TACC2: variants seen among roughly 807,000 people sequenced by gnomAD.
The protein encoded by TACC2 is transforming acidic coiled-coil-containing protein 2.
TACC2 carries 137 observed loss-of-function variants against 227.3 expected under a neutral mutation model. The ratio of observed to expected loss-of-function variants is 0.60; its 90% CI spans 0.52 to 0.69. The LOEUF is 0.69. Ranked by LOEUF, TACC2 falls within the 30% of genes least tolerant of loss-of-function variation. The pLI, the probability that TACC2 is intolerant of heterozygous loss-of-function variation, is 0.00. For synonymous variants in TACC2, 1,523 were observed against 1,487.5 expected (o/e 1.02, Z -0.55); for missense variants, 3,470 against 3,694.4 (o/e 0.94, Z 1.57).
intron 1 of TACC2, among the ~76,000 whole-genome samples, chr10:121,996,285 A>G (rs1953480976): frequency 6.6e-6 from 1 of 152,022 alleles, no homozygotes; most frequent in African/African-American, 2.4e-5. Flanking sequence ...GCTCAGGCTG[A>G]GCTCAAGCGA....
At chr10:122,058,477 T>C (rs1430023894) in intron 3 of TACC2, among the ~76,000 whole-genome samples, 4 of 151,898 alleles carry the variant, frequency 2.6e-5, no homozygotes, top group Non-Finnish European at 5.9e-5. Flanking sequence ...GGCGCGATCT[T>C]GGCTCACTGC....
intron 7 of TACC2, among the ~76,000 whole-genome samples, chr10:122,165,664 G>A (rs1049115376): frequency 1.2e-4 from 19 of 152,204 alleles, no homozygotes; most frequent in African/African-American, 4.6e-4. Flanking sequence ...TTTCACAGTT[G>A]AGTTGGTCCA....
At chr10:121,996,013 A>G (rs1953432921) in intron 1 of TACC2, among the ~76,000 whole-genome samples, 1 of 152,034 alleles carries the variant, frequency 6.6e-6, no homozygotes, top group Admixed American at 6.6e-5. Context: ...TGGACTCCCA[A>G]AGTGTTGGGA....
intron 5 of TACC2, among the ~76,000 whole-genome samples, chr10:122,100,934 A>G (rs1034318125): frequency 6.6e-6 from 1 of 152,036 alleles, no homozygotes; most frequent in African/African-American, 2.4e-5. Flanking sequence ...ATGGGACCAC[A>G]TTCTGGTTCA....
At chr10:122,091,069 A>G (rs549453881) in intron 5 of TACC2, among the ~76,000 whole-genome samples, 2 of 152,144 alleles carry the variant, frequency 1.3e-5, no homozygotes, top group East Asian at 3.8e-4. Flanking sequence ...CTGAAATTGC[A>G]TGACTGATTA....
At chr10:121,990,212 G>A (rs538080204) in intron 1 of TACC2, among the ~76,000 whole-genome samples, 34 of 151,656 alleles carry the variant, frequency 2.2e-4, no homozygotes, top group Non-Finnish European at 4.4e-4. Context: ...CCGGGCTAAC[G>A]CAATCCTCCC....
chr10:122,213,297 A>G (rs772290774), intron 9 of TACC2: 1 of 1,593,134 alleles, frequency 6.3e-7, no homozygotes, highest in Non-Finnish European at 8.6e-7. Context: ...CTTTTTTGTC[A>G]GTTCCTTCTG....
chr10:122,016,566 TAAAAAAA>T (rs35641018), intron 1 of TACC2, among the ~76,000 whole-genome samples: 22,096 of 135,180 alleles, frequency 0.16, 1,709 homozygotes, highest in East Asian at 0.26. Flanking sequence ...GACTCTGTCT[TAAAAAAA>T]AAAAAAAAAA....
intron 2 of TACC2, among the ~76,000 whole-genome samples, chr10:122,025,023 C>G (rs924580757): frequency 6.6e-6 from 1 of 152,088 alleles, no homozygotes; most frequent in Non-Finnish European, 1.5e-5. Context: ...TTTTTCATTC[C>G]CACCAGCAAC....
chr10:122,046,324 A>G (rs2074992039), intron 2 of TACC2, among the ~76,000 whole-genome samples: 1 of 150,494 alleles, frequency 6.6e-6, no homozygotes, highest in African/African-American at 2.4e-5. Flanking sequence ...AATACAAAAA[A>G]TTAGCCGGGC....
At chr10:122,122,766 G>T (rs936474181) in intron 5 of TACC2, among the ~76,000 whole-genome samples, 1 of 152,196 alleles carries the variant, frequency 6.6e-6, no homozygotes, top group East Asian at 1.9e-4. Context: ...GAGTGAGTGT[G>T]TGCAGAGCCC....
chr10:122,155,786 A>C (rs897080788), intron 7 of TACC2, among the ~76,000 whole-genome samples: 1 of 152,140 alleles, frequency 6.6e-6, no homozygotes, highest in Non-Finnish European at 1.5e-5. Context: ...GGCCACTTAA[A>C]ATGAGTCCAC....
chr10:122,108,214 G>A (rs2083116412), intron 5 of TACC2, among the ~76,000 whole-genome samples: 1 of 151,862 alleles, frequency 6.6e-6, no homozygotes, highest in African/African-American at 2.4e-5. Context: ...TTATGCCTTT[G>A]TGTCCACATA....
chr10:122,097,729 G>T (rs184219577), intron 5 of TACC2, among the ~76,000 whole-genome samples: 2 of 152,220 alleles, frequency 1.3e-5, no homozygotes, highest in Admixed American at 6.5e-5. Flanking sequence ...AGGTAAATGG[G>T]GCTGACAATG....
rs2088544733 is a variant in TACC2, at chr10:122,132,591, T to G, written c.5574-18T>G. 8 of 1,613,830 alleles carry G rather than the reference T, an allele frequency of 5.0e-6. 1 individual carries two copies. The East Asian group carries it at 1.3e-4, about 27-fold the overall frequency. On this transcript the variant is annotated intron_variant, in intron 5 of 22. Coordinates refer to ENST00000369005, the MANE Select transcript of TACC2 (RefSeq NM_206862.4). ...GGAATGTTTCTGAGTTTAGGTTCTT[T>G]CCCTTTTCTCTCCCCAGTTCACCTG...
chr10:122,007,605 G>A (rs11200319), intron 1 of TACC2, among the ~76,000 whole-genome samples: 67,825 of 151,998 alleles, frequency 0.45, 15,462 homozygotes, highest in Non-Finnish European at 0.47. Flanking sequence ...TTTAACAGTC[G>A]CCTGGTCTGT....
intron 5 of TACC2, among the ~76,000 whole-genome samples, chr10:122,112,566 A>AC (rs1405166623): frequency 1.3e-5 from 2 of 151,994 alleles, no homozygotes; most frequent in Non-Finnish European, 2.9e-5. Flanking sequence ...GCACCATTTC[A>AC]CCCCCAGCTT....
chr10:122,062,874 G>GCTA (rs1258095463), intron 3 of TACC2, among the ~76,000 whole-genome samples: 1 of 152,204 alleles, frequency 6.6e-6, no homozygotes. Context: ...TGGGCCTAGG[G>GCTA]CTACACACAT....
intron 7 of TACC2, among the ~76,000 whole-genome samples, chr10:122,169,729 C>A (rs1224656825): frequency 6.6e-6 from 1 of 152,040 alleles, no homozygotes; most frequent in Non-Finnish European, 1.5e-5. Flanking sequence ...CAATTTATAG[C>A]CTTCCCTCTC....
Sources: allele counts gnomAD v4.1 joint callset (sites outside exome capture counted in the v4.1 genomes callset), GRCh38; gene constraint gnomAD v4.1.1; transcripts MANE v1.5; gene names NCBI Gene and HGNC (gene_info 2026-07-23, HGNC 2026-07-21).